LRP1B: variants seen among roughly 807,000 people sequenced by gnomAD.
LRP1B encodes LDL receptor related protein 1B, also known as low-density lipoprotein receptor-related protein 1B.
In LRP1B, 217 loss-of-function variants were observed where a neutral mutation model predicts 556.6. The observed-to-expected ratio is 0.39, with a 90% confidence interval of 0.35 to 0.44. The LOEUF is 0.44. Among genes scored for constraint, LRP1B ranks in the 20% least tolerant of loss-of-function variants. The pLI is 1.00. For synonymous variants in LRP1B, 2,047 were observed against 1,865.8 expected, an observed-to-expected ratio of 1.10 and a Z score of -2.50; for missense variants, 5,053 against 5,620.8, an observed-to-expected ratio of 0.90 and a Z score of 3.23.
intron 83 of LRP1B, among the ~76,000 whole-genome samples, chr2:140,300,993 T>C (rs1683796259): frequency 6.6e-6 from 1 of 152,154 alleles, no homozygotes; most frequent in Non-Finnish European, 1.5e-5. Flanking sequence ...AAGCAAATCA[T>C]TCTGAAACTT....
intron 7 of LRP1B, among the ~76,000 whole-genome samples, chr2:141,094,928 CAT>C (rs1177414335): frequency 1.3e-5 from 2 of 152,172 alleles, no homozygotes; most frequent in African/African-American, 4.8e-5. Flanking sequence ...CCCCCAAAAA[CAT>C]GTGTTGAAAG....
chr2:141,676,393 C>T (rs1475637247), intron 2 of LRP1B, among the ~76,000 whole-genome samples: 2 of 152,144 alleles, frequency 1.3e-5, no homozygotes, highest in African/African-American at 2.4e-5. Flanking sequence ...CAATTCCAAA[C>T]CCTTGTCCTC....
chr2:140,598,089 T>C (rs181121629), intron 43 of LRP1B, among the ~76,000 whole-genome samples: 2 of 152,258 alleles, frequency 1.3e-5, no homozygotes, highest in African/African-American at 2.4e-5. Flanking sequence ...ATACCTGCTG[T>C]AAGTGCTCTC....
chr2:141,635,128 AAAAAG>A (rs143270859), intron 2 of LRP1B, among the ~76,000 whole-genome samples: 17,136 of 151,702 alleles, frequency 0.11, 1,112 homozygotes, highest in African/African-American at 0.17. Context: ...CAACCCTGCA[AAAAAG>A]AAAAGAAAAG....
chr2:141,700,663 T>G (rs1257976712), intron 2 of LRP1B, among the ~76,000 whole-genome samples: 1 of 151,686 alleles, frequency 6.6e-6, no homozygotes, highest in Non-Finnish European at 1.5e-5. Context: ...CTAGAATCCC[T>G]CTTCCCCAAG....
chr2:141,793,934 A>C (rs968375123), intron 2 of LRP1B, among the ~76,000 whole-genome samples: 7 of 151,908 alleles, frequency 4.6e-5, no homozygotes, highest in African/African-American at 1.7e-4. Flanking sequence ...TTAACTAAGT[A>C]GTTTTGGTTT....
At chr2:141,740,799 C>T (rs1053815264) in intron 2 of LRP1B, among the ~76,000 whole-genome samples, 1 of 152,120 alleles carries the variant, frequency 6.6e-6, no homozygotes, top group Non-Finnish European at 1.5e-5. Flanking sequence ...CCTCGGAAGC[C>T]TCTGGCTCTT....
intron 66 of LRP1B, among the ~76,000 whole-genome samples, chr2:140,417,548 T>C (rs190346620): frequency 6.6e-6 from 1 of 152,318 alleles, no homozygotes; most frequent in Admixed American, 6.5e-5. Context: ...ACGATGATGT[T>C]ATGTGCACTT....
chr2:140,336,906 T>A (rs1681132686), intron 77 of LRP1B, among the ~76,000 whole-genome samples: 1 of 151,664 alleles, frequency 6.6e-6, no homozygotes. Flanking sequence ...TTCCCAGGGG[T>A]ATTATGGCAA....
At chr2:142,111,824 T>A (rs1401270260) in intron 1 of LRP1B, among the ~76,000 whole-genome samples, 1 of 152,094 alleles carries the variant, frequency 6.6e-6, no homozygotes, top group Non-Finnish European at 1.5e-5. Context: ...CTAATAAACT[T>A]CCTTTAATTG....
At chr2:140,917,698 T>C (rs1694619062) in intron 21 of LRP1B, among the ~76,000 whole-genome samples, 1 of 152,038 alleles carries the variant, frequency 6.6e-6, no homozygotes, top group African/African-American at 2.4e-5. Flanking sequence ...GAGGGAAGAA[T>C]AAACAGGCAG....
chr2:140,693,284 A>T (rs1559058547), intron 41 of LRP1B, among the ~76,000 whole-genome samples: 1 of 152,130 alleles, frequency 6.6e-6, no homozygotes, highest in Non-Finnish European at 1.5e-5. Context: ...TCTACTATCA[A>T]CATGTGCAGT....
intron 7 of LRP1B, among the ~76,000 whole-genome samples, chr2:141,082,451 T>C (rs1456466675): frequency 6.6e-6 from 1 of 152,224 alleles, no homozygotes; most frequent in Non-Finnish European, 1.5e-5. Context: ...GTGAAGACTA[T>C]GATCAGAATA....
intron 78 of LRP1B, among the ~76,000 whole-genome samples, chr2:140,334,851 A>G (rs1680987943): frequency 6.6e-6 from 1 of 151,984 alleles, no homozygotes; most frequent in South Asian, 2.1e-4. Context: ...TTTCATTAAA[A>G]CTCAGAGAAA....
At chr2:140,760,658 G>A (rs562437264) in intron 35 of LRP1B, among the ~76,000 whole-genome samples, 1 of 152,308 alleles carries the variant, frequency 6.6e-6, no homozygotes, top group African/African-American at 2.4e-5. Context: ...GGCCAAGGTG[G>A]TGGATCACCT....
intron 6 of LRP1B, among the ~76,000 whole-genome samples, chr2:141,224,834 G>T (rs149965350): frequency 6.6e-6 from 1 of 152,100 alleles, no homozygotes; most frequent in African/African-American, 2.4e-5. Flanking sequence ...GGGTGGGGAA[G>T]GGAGGGCATC....
chr2:141,228,265 A>G (rs1683320627), intron 6 of LRP1B, among the ~76,000 whole-genome samples: 2 of 152,166 alleles, frequency 1.3e-5, no homozygotes, highest in South Asian at 4.1e-4. Flanking sequence ...CTTTCTGTAA[A>G]TCATAAATTA....
At chr2:140,258,799 C>T (rs894810601) in intron 86 of LRP1B, among the ~76,000 whole-genome samples, 13 of 152,116 alleles carry the variant, frequency 8.5e-5, no homozygotes, top group South Asian at 2.1e-4. Context: ...ACAGCGTAGA[C>T]GGTCCTCTAT....
chr2:140,944,438 T>C (rs1188850269), intron 20 of LRP1B, among the ~76,000 whole-genome samples: 3 of 151,990 alleles, frequency 2.0e-5, no homozygotes, highest in Non-Finnish European at 2.9e-5. Flanking sequence ...ATCATCCTGA[T>C]ACCAAAAATC....
Sources: gnomAD v4.1 joint callset for allele counts (sites outside exome capture counted in the v4.1 genomes callset) on GRCh38, gnomAD v4.1.1 for gene constraint, MANE v1.5 for transcripts, NCBI Gene and HGNC (gene_info 2026-07-23, HGNC 2026-07-21) for gene names.